MTPN: variants seen among roughly 807,000 people sequenced by gnomAD.
The protein encoded by MTPN is myotrophin, also known as granule cell differentiation protein.
MTPN carries 2 observed loss-of-function variants against 13.5 expected under a neutral mutation model. The observed-to-expected ratio is 0.15, with a 90% CI of 0.06 to 0.47. MTPN has a LOEUF of 0.47. Ranked by LOEUF, MTPN falls within the 20% of genes least tolerant of loss-of-function variation. MTPN has a pLI of 0.97. For missense variants in MTPN, 79 were observed against 137.9 expected, an observed-to-expected ratio of 0.57 and a Z score of 2.14; for synonymous variants, 46 against 51.7, an observed-to-expected ratio of 0.89 and a Z score of 0.48.
intron 1 of MTPN, among the ~76,000 whole-genome samples, chr7:135,958,576 A>C (rs1204390281): frequency 6.6e-6 from 1 of 152,108 alleles, no homozygotes; most frequent in Non-Finnish European, 1.5e-5. Flanking sequence ...CTTGCTGATC[A>C]GTCCATTCCT....
chr7:135,951,048 G>A (rs1327211230), intron 2 of MTPN, among the ~76,000 whole-genome samples: 1 of 152,186 alleles, frequency 6.6e-6, no homozygotes, highest in Non-Finnish European at 1.5e-5. Context: ...CAGCCAAAGA[G>A]GAGGTAAAAG....
In MTPN at chr7:135,949,685, A is replaced by G. The variant is rs914614650; in HGVS notation, c.270+914T>C. Among the ~76,000 whole-genome samples, 18 of 152,130 alleles carry G rather than the reference A, an allele frequency of 1.2e-4. 1 individual carries two copies. Among genetic ancestry groups the G allele is most frequent in the Admixed American group, 1.2e-3 (18 of 15,268 alleles). On this transcript the variant is annotated intron_variant, in intron 3 of 3. Coordinates refer to ENST00000393085, the MANE Select transcript of MTPN (RefSeq NM_145808.4). ...GATAAATGTGCTATCTTCTTTCCCA[A>G]TTTTCTTCGTATCTTACTGAAGCTG...
chr7:135,934,069 G>A (rs1231451312), intron 3 of MTPN, among the ~76,000 whole-genome samples: 1 of 152,096 alleles, frequency 6.6e-6, no homozygotes. Context: ...GTGAGGAACT[G>A]TGAGTGAATT....
intron 3 of MTPN, chr7:135,932,922 T>A (rs2116340601): frequency 6.6e-6 from 1 of 152,060 alleles, no homozygotes; most frequent in East Asian, 1.9e-4. Context: ...AAACCCCATC[T>A]CTACTAAAAA....
intron 3 of MTPN, among the ~76,000 whole-genome samples, chr7:135,944,358 T>TA (rs1799256724): frequency 6.6e-6 from 1 of 152,100 alleles, no homozygotes; most frequent in Admixed American, 6.6e-5. Flanking sequence ...TTCAATATTA[T>TA]ATGTATTATG....
At chr7:135,934,543 G>A (rs539337129) in intron 3 of MTPN, among the ~76,000 whole-genome samples, 2 of 152,322 alleles carry the variant, frequency 1.3e-5, no homozygotes, top group Non-Finnish European at 1.5e-5. Context: ...TGAGACACAA[G>A]GATTACCTAG....
intron 1 of MTPN, among the ~76,000 whole-genome samples, chr7:135,959,785 T>C (rs1476603126): frequency 6.6e-6 from 1 of 152,002 alleles, no homozygotes; most frequent in East Asian, 1.9e-4. Context: ...TTTTTCTAGT[T>C]TGTCAGTATT....
chr7:135,944,993 A>G (rs1451853716), intron 3 of MTPN, among the ~76,000 whole-genome samples: 1 of 152,226 alleles, frequency 6.6e-6, no homozygotes. Flanking sequence ...GTTATAGCCT[A>G]TTGCTCCTAG....
At chr7:135,976,087 T>C (rs185528823) in intron 1 of MTPN, among the ~76,000 whole-genome samples, 29 of 152,364 alleles carry the variant, frequency 1.9e-4, no homozygotes, top group Non-Finnish European at 3.4e-4. Context: ...TCATTTTAGA[T>C]TATCACTAAA....
At chr7:135,944,827 G>A (rs911900519) in intron 3 of MTPN, among the ~76,000 whole-genome samples, 1 of 152,086 alleles carries the variant, frequency 6.6e-6, no homozygotes, top group Non-Finnish European at 1.5e-5. Flanking sequence ...CATATTTCAA[G>A]ACCTCCAATG....
intron 3 of MTPN, among the ~76,000 whole-genome samples, chr7:135,943,142 T>C (rs1047376649): frequency 8.5e-5 from 13 of 152,222 alleles, no homozygotes; most frequent in African/African-American, 2.7e-4. Context: ...TTGACCATGT[T>C]ATATGGAACA....
At chr7:135,960,902 T>C (rs528802804) in intron 1 of MTPN, 11 of 151,152 alleles carry the variant, frequency 7.3e-5, no homozygotes, top group Non-Finnish European at 1.0e-4. Flanking sequence ...ATGGGCTCAA[T>C]AAGTAAGGGT....
chr7:135,962,318 A>G (rs554201054), intron 1 of MTPN, among the ~76,000 whole-genome samples: 6 of 151,992 alleles, frequency 3.9e-5, no homozygotes, highest in Non-Finnish European at 5.9e-5. Context: ...AAAATGAATG[A>G]ATGAACAAAA....
chr7:135,965,284 T>C (rs1799588099), intron 1 of MTPN, among the ~76,000 whole-genome samples: 1 of 152,050 alleles, frequency 6.6e-6, no homozygotes, highest in Non-Finnish European at 1.5e-5. Context: ...ATGATCACAA[T>C]CCCTATTTAC....
intron 3 of MTPN, among the ~76,000 whole-genome samples, chr7:135,950,223 T>C (rs1003539955): frequency 1.3e-5 from 2 of 152,144 alleles, no homozygotes; most frequent in Non-Finnish European, 2.9e-5. Context: ...AAATGAAACA[T>C]ATACATTTCA....
At chr7:135,959,156 C>T (rs962674766) in intron 1 of MTPN, among the ~76,000 whole-genome samples, 1 of 152,082 alleles carries the variant, frequency 6.6e-6, no homozygotes, top group Non-Finnish European at 1.5e-5. Flanking sequence ...TATTCTTTCA[C>T]GAGACATCAT....
chr7:135,964,405 A>G (rs992849697), intron 1 of MTPN, among the ~76,000 whole-genome samples: 3 of 152,104 alleles, frequency 2.0e-5, no homozygotes, highest in Non-Finnish European at 2.9e-5. Context: ...GAATCAGTGA[A>G]AACTGCTAAC....
intron 1 of MTPN, among the ~76,000 whole-genome samples, chr7:135,953,003 T>C (rs1584813087): frequency 6.6e-6 from 1 of 152,254 alleles, no homozygotes; most frequent in South Asian, 2.1e-4. Flanking sequence ...TCACTTAGCA[T>C]AGTTTGGTCA....
chr7:135,956,608 C>G (rs1799447368), intron 1 of MTPN, among the ~76,000 whole-genome samples: 2 of 152,182 alleles, frequency 1.3e-5, no homozygotes, highest in Admixed American at 6.5e-5. Flanking sequence ...CCCTCAGGAA[C>G]TTCTATCACA....
Sources: allele counts gnomAD v4.1 joint callset (sites outside exome capture counted in the v4.1 genomes callset), GRCh38; gene constraint gnomAD v4.1.1; transcripts MANE v1.5; gene names NCBI Gene and HGNC (gene_info 2026-07-23, HGNC 2026-07-21).